NIPSNAP1: variants seen among roughly 807,000 people sequenced by gnomAD.
NIPSNAP1 encodes protein NipSnap homolog 1.
A neutral mutation model predicts 49.2 loss-of-function variants in NIPSNAP1; 25 were observed. That is an observed-to-expected ratio of 0.51 (90% CI 0.37 to 0.71). The LOEUF is 0.71. Ranked by LOEUF, NIPSNAP1 falls within the 30% of genes least tolerant of loss-of-function variation. The probability of loss-of-function intolerance (pLI) is 0.00; values close to 1 mark genes in which losing one functional copy is unlikely to be tolerated. For synonymous variants in NIPSNAP1, 143 were observed against 140.7 expected (o/e 1.02, Z -0.12); for missense variants, 294 against 361.0 (o/e 0.81, Z 1.50).
chr22:29,574,289 A>AAAAAAAAAAGAAAGAAAAAG (rs2064434492), intron 1 of NIPSNAP1, among the ~76,000 whole-genome samples: 8 of 125,256 alleles, frequency 6.4e-5, no homozygotes, highest in African/African-American at 2.6e-4. Flanking sequence ...AAAAAAAAAA[A>AAAAAAAAAAGAAAGAAAAAG]AAAGAAAGAA....
At chr22:29,561,105 G>A in intron 7 of NIPSNAP1, 66 bp downstream of exon 7, 2 of 1,479,220 alleles carry the variant, frequency 1.4e-6, no homozygotes, top group Non-Finnish European at 1.9e-6. Context: ...GGCCCACCAG[G>A]GGCCTTGGTG....
chr22:29,563,414 C>A (rs1251011733), intron 4 of NIPSNAP1, among the ~76,000 whole-genome samples: 1 of 150,968 alleles, frequency 6.6e-6, no homozygotes, highest in African/African-American at 2.4e-5. Context: ...GTAATCCTAG[C>A]TACTCAGGAG....
At chr22:29,573,126 T>C (rs1403953084) in intron 1 of NIPSNAP1, among the ~76,000 whole-genome samples, 1 of 152,054 alleles carries the variant, frequency 6.6e-6, no homozygotes, top group Non-Finnish European at 1.5e-5. Context: ...AACCTCCACC[T>C]CCCGGGTTCA....
At chr22:29,556,625 G>A (rs1218050620) in intron 9 of NIPSNAP1, among the ~76,000 whole-genome samples, 1 of 152,190 alleles carries the variant, frequency 6.6e-6, no homozygotes, top group East Asian at 1.9e-4. Flanking sequence ...CATCCAGGAG[G>A]TTAGACTCTT....
Position 29,560,822 on chromosome 22 carries a change from C to T in NIPSNAP1, c.618G>A (p.Arg206=). 6.2e-7 allele frequency: 1 copy of T among 1,614,052 alleles called. No homozygotes were observed. Among genetic ancestry groups the T allele is most frequent in the Non-Finnish European group, 8.5e-7 (1 of 1,180,022 alleles). Residue 206 remains arginine (R), a synonymous_variant, in exon 8 of 10, where the codon CGG becomes CGA. Coordinates refer to ENST00000216121, the MANE Select transcript of NIPSNAP1 (RefSeq NM_003634.4). ...TMIEWGNNWA[R]AIKYRQENQE... is the part of the protein sequence containing the mutation. ...GGTTCTCCTGCCGGTACTTGATGGC[C>T]CGAGCCCTGGAGAAGGCACAATAAT...
chr22:29,572,587 T>C (rs1009959065), intron 1 of NIPSNAP1, among the ~76,000 whole-genome samples: 2 of 152,040 alleles, frequency 1.3e-5, no homozygotes, highest in African/African-American at 4.8e-5. Context: ...GGCAGGAGGA[T>C]TGCTTGAGGC....
chr22:29,573,773 A>G (rs1241032359), intron 1 of NIPSNAP1, among the ~76,000 whole-genome samples: 1 of 147,910 alleles, frequency 6.8e-6, no homozygotes, highest in Non-Finnish European at 1.5e-5. Flanking sequence ...TGTCTCAAAA[A>G]AAAAAAAAAT....
At chr22:29,560,984 C>T (rs1178436669) in intron 7 of NIPSNAP1, among the ~76,000 whole-genome samples, 156 bp from the exon 8 acceptor site, 2 of 152,176 alleles carry the variant, frequency 1.3e-5, no homozygotes, top group African/African-American at 2.4e-5. Context: ...GTTCTACCAA[C>T]GGAGGGGTCA....
At chr22:29,579,922 A>C in intron 1 of NIPSNAP1, 6 of 421,054 alleles carry the variant, frequency 1.4e-5, no homozygotes, top group Admixed American at 1.3e-4. Flanking sequence ...TGGGCAGTCT[A>C]GGTGGGGCGC....
rs2064289610 is a variant in NIPSNAP1, at chr22:29,555,776, A to G, written c.*159T>C. 1 of 714,132 alleles carries G rather than the reference A, an allele frequency of 1.4e-6. No individual in the cohort carries two copies. Among genetic ancestry groups the G allele is most frequent in the South Asian group, 1.6e-5 (1 of 64,432 alleles). 44.2% of individuals were successfully genotyped at this position (714,132 alleles called of 1,614,324 possible). The stretch of plus-strand genomic sequence containing the variant: ...GGGCCTGGGCAGAGCTGTAATCCTC[A>G]GAACTTGTCAGCCTTCAGTTCCCCC... On this transcript the variant is annotated 3_prime_UTR_variant, in exon 10 of 10. Coordinates refer to ENST00000216121, the MANE Select transcript of NIPSNAP1 (RefSeq NM_003634.4).
intron 2 of NIPSNAP1, 24 bp from the exon 3 acceptor site, chr22:29,570,231 G>A (rs2064398232): frequency 1.9e-6 from 3 of 1,613,516 alleles, no homozygotes; most frequent in Non-Finnish European, 1.7e-6. Flanking sequence ...CAGAGAACAA[G>A]AAGTGAGGTA....
intron 8 of NIPSNAP1, among the ~76,000 whole-genome samples, chr22:29,559,602 T>C (rs954530444): frequency 1.3e-5 from 2 of 151,332 alleles, no homozygotes; most frequent in Non-Finnish European, 2.9e-5. Flanking sequence ...ACTGACTTGC[T>C]CCTTCCCTAG....
chr22:29,574,729 A>G (rs1196529575), intron 1 of NIPSNAP1, among the ~76,000 whole-genome samples: 1 of 150,198 alleles, frequency 6.7e-6, no homozygotes, highest in Non-Finnish European at 1.5e-5. Flanking sequence ...CAGTGAGCTG[A>G]GATCGTGCCA....
chr22:29,570,153 G>C lies in NIPSNAP1; in HGVS notation c.272+9C>G. ...CAGGGGATGGGATGTATGGATGCAG[G>C]GTGCTCACGTGAGGCTGTTGTAGGC... On this transcript the variant is annotated intron_variant, in intron 3 of 9. Coordinates refer to ENST00000216121, the MANE Select transcript of NIPSNAP1 (RefSeq NM_003634.4). 1 of 1,613,406 alleles carries C rather than the reference G, an allele frequency of 6.2e-7. No individual in the cohort carries two copies. Among genetic ancestry groups the C allele is most frequent in the Non-Finnish European group, 8.5e-7 (1 of 1,179,514 alleles).
chr22:29,557,101 G>T (rs563963297), intron 9 of NIPSNAP1, among the ~76,000 whole-genome samples: 58 of 151,666 alleles, frequency 3.8e-4, no homozygotes, highest in Admixed American at 6.6e-4. Context: ...TGTCAGTTGG[G>T]ACCACACTTG....
At chr22:29,576,379 T>C (rs1027508526) in intron 1 of NIPSNAP1, among the ~76,000 whole-genome samples, 8 of 139,642 alleles carry the variant, frequency 5.7e-5, no homozygotes, top group African/African-American at 8.1e-5. Flanking sequence ...CTACTAAAAA[T>C]TAAAAACAAA....
intron 3 of NIPSNAP1, 103 bp downstream of exon 3, chr22:29,570,059 G>A (rs2146611258): frequency 3.3e-6 from 3 of 905,238 alleles, no homozygotes; most frequent in East Asian, 4.8e-5. Flanking sequence ...ACATCTCCTG[G>A]ATTTCTACAG....
Position 29,581,008 on chromosome 22 carries a change from G to A in NIPSNAP1, c.75C>T (p.Asp25=). 4 of 1,533,860 alleles carry A rather than the reference G, an allele frequency of 2.6e-6. No homozygotes were observed. Among genetic ancestry groups the A allele is most frequent in the East Asian group, 2.5e-5 (1 of 40,500 alleles). The change falls in exon 1 of 10, where the codon GAC becomes GAT. Residue 25 remains aspartate, a synonymous_variant. Transcript: ENST00000216121. The part of the protein sequence containing the change: ...LLGGPGPRAG[D]VASAAAARFY... ...ACCGCGCCGCAGCTGCAGACGCAAC[G>A]TCCCCAGCGCGAGGCCCCGGGCCCC...
At chr22:29,556,735 G>A (rs2064297235) in intron 9 of NIPSNAP1, among the ~76,000 whole-genome samples, 1 of 152,070 alleles carries the variant, frequency 6.6e-6, no homozygotes, top group Non-Finnish European at 1.5e-5. Context: ...CAGGAAGCCT[G>A]CGATTTGTTA....
Sources: gnomAD v4.1 joint callset for allele counts (sites outside exome capture counted in the v4.1 genomes callset) on GRCh38, gnomAD v4.1.1 for gene constraint, MANE v1.5 for transcripts, NCBI Gene and HGNC (gene_info 2026-07-23, HGNC 2026-07-21) for gene names.